MIPOL1: variants seen among roughly 807,000 people sequenced by gnomAD.
MIPOL1 encodes mirror-image polydactyly gene 1 protein.
A neutral mutation model predicts 60.9 loss-of-function variants in MIPOL1; 57 were observed. That is an observed-to-expected ratio of 0.94 (90% CI 0.76 to 1.17). The LOEUF (loss-of-function observed/expected upper bound fraction) is 1.17, where lower values mean the gene tolerates loss of function less well. Ranked by LOEUF, MIPOL1 falls within the 50% of genes most tolerant of loss-of-function variation. The probability of loss-of-function intolerance (pLI) is 0.00; values close to 1 mark genes in which losing one functional copy is unlikely to be tolerated. For synonymous variants in MIPOL1, 179 were observed against 168.8 expected (o/e 1.06, Z -0.47); for missense variants, 551 against 511.6 (o/e 1.08, Z -0.74).
At chr14:37,404,173 A>G (rs1399998755) in intron 10 of MIPOL1, among the ~76,000 whole-genome samples, 1 of 152,212 alleles carries the variant, frequency 6.6e-6, no homozygotes, top group African/African-American at 2.4e-5. Flanking sequence ...AGTGGTGTCT[A>G]CAAACTAAAA....
At chr14:37,445,785 T>A (rs1307650748) in intron 11 of MIPOL1, among the ~76,000 whole-genome samples, 1 of 152,150 alleles carries the variant, frequency 6.6e-6, no homozygotes, top group African/African-American at 2.4e-5. Context: ...TACAACTGTC[T>A]GATCTTTGAC....
At chr14:37,444,259 G>A (rs1293024788) in intron 11 of MIPOL1, among the ~76,000 whole-genome samples, 2 of 152,004 alleles carry the variant, frequency 1.3e-5, no homozygotes, top group East Asian at 3.9e-4. Context: ...TTTACATATT[G>A]ATCTGAATTA....
At chr14:37,311,262 A>G (rs1053713678) in intron 9 of MIPOL1, among the ~76,000 whole-genome samples, 6 of 152,142 alleles carry the variant, frequency 3.9e-5, no homozygotes, top group Admixed American at 3.3e-4. Flanking sequence ...GTTCACCACA[A>G]ATGATTCCAT....
chr14:37,210,086 G>A (rs536121242), intron 1 of MIPOL1, among the ~76,000 whole-genome samples: 2 of 151,926 alleles, frequency 1.3e-5, no homozygotes, highest in East Asian at 3.9e-4. Context: ...TTTGAAAAAC[G>A]CTCAAACTGT....
At chr14:37,476,694 T>A (rs1266539257) in intron 11 of MIPOL1, among the ~76,000 whole-genome samples, 1 of 152,124 alleles carries the variant, frequency 6.6e-6, no homozygotes, top group Non-Finnish European at 1.5e-5. Context: ...GATTAATGAT[T>A]TTTAGTCTTT....
At chr14:37,302,174 A>G (rs939057006) in intron 7 of MIPOL1, among the ~76,000 whole-genome samples, 11 of 149,874 alleles carry the variant, frequency 7.3e-5, no homozygotes, top group African/African-American at 1.5e-4. Context: ...AGAAACTGCC[A>G]AATTCTTTTC....
chr14:37,363,444 CTGCAGAACAGTAAATAT>C (rs1205763186), intron 9 of MIPOL1, among the ~76,000 whole-genome samples: 1 of 152,192 alleles, frequency 6.6e-6, no homozygotes, highest in African/African-American at 2.4e-5. Context: ...CCAGTGGAGG[CTGCAGAACAGTAAATAT>C]TGCAGAACAG....
chr14:37,348,074 C>G (rs1316035473), intron 9 of MIPOL1, among the ~76,000 whole-genome samples: 4 of 152,094 alleles, frequency 2.6e-5, no homozygotes, highest in South Asian at 2.1e-4. Context: ...GGCTCTTCCC[C>G]CTCTGGTAGT....
intron 10 of MIPOL1, among the ~76,000 whole-genome samples, chr14:37,384,157 C>T (rs1047808064): frequency 5.9e-5 from 9 of 151,868 alleles, no homozygotes; most frequent in Non-Finnish European, 1.3e-4. Flanking sequence ...GTCTTTACTT[C>T]GTTGGTTTGT....
intron 3 of MIPOL1, among the ~76,000 whole-genome samples, chr14:37,258,420 T>G (rs953916459): frequency 6.6e-6 from 1 of 152,092 alleles, no homozygotes; most frequent in Admixed American, 6.6e-5. Context: ...ATACAAATTA[T>G]TCTAATAATA....
At chr14:37,259,309 A>G (rs2082349262) in intron 3 of MIPOL1, among the ~76,000 whole-genome samples, 3 of 152,066 alleles carry the variant, frequency 2.0e-5, no homozygotes, top group Admixed American at 1.3e-4. Context: ...TAATCCCAGC[A>G]CTTTGGGAGG....
At chr14:37,317,000 CA>C in intron 9 of MIPOL1, among the ~76,000 whole-genome samples, 1 of 151,974 alleles carries the variant, frequency 6.6e-6, no homozygotes, top group South Asian at 2.1e-4. Flanking sequence ...AACAAACAAA[CA>C]AAGATAATTG....
intron 9 of MIPOL1, among the ~76,000 whole-genome samples, chr14:37,368,620 G>T (rs719136): frequency 0.084 from 12,839 of 151,972 alleles, 820 homozygotes; most frequent in East Asian, 0.31. Flanking sequence ...ATAAATTAAG[G>T]AATGGTTTTT....
Position 37,551,068 on chromosome 14 carries a change from A to G in MIPOL1, c.*4097A>G, listed in dbSNP as rs550744820. On this transcript the variant is annotated 3_prime_UTR_variant, in exon 13 of 13. Transcript: ENST00000684589. ...AATGTATACAATGATATTCCTTTGC[A>G]GAAGTCTTAATATGCATAATTTTTA... is the stretch of plus-strand genomic sequence containing the variant. The G allele has an allele frequency of 1.3e-5, 2 of 152,240 alleles. No homozygotes were observed. The highest frequency in any genetic ancestry group is 4.1e-4 in the South Asian group (2 of 4,828). The allele number at this position is 152,240 out of a possible 1,614,324, so 9.4% of individuals were successfully genotyped here.
At chr14:37,440,074 T>C (rs1349490883) in intron 11 of MIPOL1, among the ~76,000 whole-genome samples, 1 of 152,166 alleles carries the variant, frequency 6.6e-6, no homozygotes, top group Non-Finnish European at 1.5e-5. Context: ...CTTGAACTCC[T>C]GGGCTCAAGT....
intron 6 of MIPOL1, among the ~76,000 whole-genome samples, chr14:37,270,962 T>TA (rs2083263081): frequency 6.6e-6 from 1 of 152,080 alleles, no homozygotes; most frequent in Non-Finnish European, 1.5e-5. Context: ...TACATTTGAT[T>TA]AAAAAATCTG....
At position 37,548,545 on chromosome 14, in the gene MIPOL1, T is replaced by G. The variant is rs990265500; in HGVS notation, c.*1574T>G. On this transcript the variant is annotated 3_prime_UTR_variant, in exon 13 of 13. Coordinates refer to ENST00000684589, the MANE Select transcript of MIPOL1 (RefSeq NM_001388067.1). ...CTATAATAGAGAAATATGTAATGAT[T>G]TGGTCATGCATGGAGTCTTGTCTCT... 1 of 152,106 alleles carries G rather than the reference T, an allele frequency of 6.6e-6. No individual in the cohort carries two copies. The highest frequency in any genetic ancestry group is 3.4e-3 in the Middle Eastern group (1 of 294). The allele number at this position is 152,106 out of a possible 1,614,324, so 9.4% of individuals were successfully genotyped here.
At chr14:37,441,192 G>T (rs1470682450) in intron 11 of MIPOL1, among the ~76,000 whole-genome samples, 1 of 152,008 alleles carries the variant, frequency 6.6e-6, no homozygotes, top group East Asian at 1.9e-4. Context: ...CAGGTTGTCT[G>T]TTCACTTTGT....
intron 3 of MIPOL1, among the ~76,000 whole-genome samples, chr14:37,256,794 C>T (rs191285678): frequency 1.3e-5 from 2 of 151,904 alleles, no homozygotes; most frequent in East Asian, 1.9e-4. Flanking sequence ...CTTTTGCTTT[C>T]CATGATGTTC....
Sources: allele counts gnomAD v4.1 joint callset (sites outside exome capture counted in the v4.1 genomes callset), GRCh38; gene constraint gnomAD v4.1.1; transcripts MANE v1.5; gene names NCBI Gene and HGNC (gene_info 2026-07-23, HGNC 2026-07-21).